CLASP1: variants seen among roughly 807,000 people sequenced by gnomAD.
The protein encoded by CLASP1 is CLIP-associating protein 1.
CLASP1 carries 38 observed loss-of-function variants against 192.3 expected under a neutral mutation model. The observed-to-expected ratio is 0.20, with a 90% CI of 0.15 to 0.26. The LOEUF is 0.26. Among genes scored for constraint, CLASP1 ranks in the 10% least tolerant of loss-of-function variants. CLASP1 has a pLI of 1.00. For missense variants in CLASP1, 1,433 were observed against 1,932.5 expected (o/e 0.74, Z 4.85); for synonymous variants, 691 against 712.8 (o/e 0.97, Z 0.49).
rs188768398 is a variant in CLASP1 at position 121,367,697 on chromosome 2, C to T, written c.3777G>A (p.Pro1259=). 503 of 1,614,020 alleles carry T rather than the reference C, an allele frequency of 3.1e-4. 2 individuals are homozygous for T. Among genetic ancestry groups the T allele is most frequent in the South Asian group, 4.7e-4 (43 of 91,086 alleles). Residue 1259 remains proline, a synonymous_variant, in exon 35 of 40, where the codon CCG becomes CCA. Transcript: ENST00000263710. ...GGTACGGGTTGTAGTCTCGCGCCCG[C>T]GGCCCCGGGAAGGCGCGCGGAGGCT... is the stretch of plus-strand genomic sequence containing the variant.
At chr2:121,468,732 T>C (rs2149954861) in intron 9 of CLASP1, among the ~76,000 whole-genome samples, 1 of 152,314 alleles carries the variant, frequency 6.6e-6, no homozygotes, top group East Asian at 1.9e-4. Flanking sequence ...TAAAGATAGT[T>C]TGACTTCCTC....
At chr2:121,608,485 G>A (rs904913718) in intron 1 of CLASP1, among the ~76,000 whole-genome samples, 3 of 152,176 alleles carry the variant, frequency 2.0e-5, no homozygotes, top group Admixed American at 6.5e-5. Flanking sequence ...ATGCTGTAAG[G>A]AAGCTGGCCT....
At chr2:121,644,631 G>C (rs2072799014) in intron 1 of CLASP1, among the ~76,000 whole-genome samples, 1 of 151,226 alleles carries the variant, frequency 6.6e-6, no homozygotes, top group Admixed American at 6.6e-5. Flanking sequence ...CTCCAGCCTT[G>C]GTGACAGAGC....
At chr2:121,575,521 A>G (rs2060427796) in intron 2 of CLASP1, among the ~76,000 whole-genome samples, 1 of 151,392 alleles carries the variant, frequency 6.6e-6, no homozygotes. Context: ...CCACAAAGTA[A>G]AAGGGAGAAA....
chr2:121,604,861 C>T (rs2064225757), intron 2 of CLASP1, among the ~76,000 whole-genome samples: 2 of 152,128 alleles, frequency 1.3e-5, no homozygotes, highest in African/African-American at 4.8e-5. Context: ...TCTGTAAGCC[C>T]CTTTAACAAC....
intron 7 of CLASP1, among the ~76,000 whole-genome samples, chr2:121,512,115 A>G (rs1291761875): frequency 6.6e-6 from 1 of 152,230 alleles, no homozygotes; most frequent in Non-Finnish European, 1.5e-5. Flanking sequence ...TAATGAATCA[A>G]GTGACCTATG....
chr2:121,598,942 T>C (rs535909258), intron 2 of CLASP1, among the ~76,000 whole-genome samples: 1 of 152,306 alleles, frequency 6.6e-6, no homozygotes, highest in East Asian at 1.9e-4. Context: ...CTCAGCTCAC[T>C]GCAAACTCTG....
intron 35 of CLASP1, among the ~76,000 whole-genome samples, chr2:121,366,697 A>T (rs2149258549): frequency 6.6e-6 from 1 of 152,370 alleles, no homozygotes; most frequent in South Asian, 2.1e-4. Flanking sequence ...ACTATTTAGA[A>T]TTCTAATGTA....
intron 14 of CLASP1, 103 bp from the exon 15 acceptor site, chr2:121,451,952 C>T: frequency 1.3e-6 from 1 of 748,722 alleles, no homozygotes; most frequent in Non-Finnish European, 2.2e-6. Flanking sequence ...ATAATTAGTA[C>T]ATTTCTTCTG....
At chr2:121,482,543 T>C (rs575405403) in intron 8 of CLASP1, among the ~76,000 whole-genome samples, 1 of 152,126 alleles carries the variant, frequency 6.6e-6, no homozygotes, top group East Asian at 1.9e-4. Flanking sequence ...AAACTTACCC[T>C]TAGAGCCAAA....
intron 25 of CLASP1, among the ~76,000 whole-genome samples, chr2:121,406,541 T>C (rs1354056247): frequency 6.6e-6 from 1 of 152,168 alleles, no homozygotes; most frequent in Non-Finnish European, 1.5e-5. Flanking sequence ...TAACATCTAC[T>C]GGACAAATAT....
At chr2:121,496,870 C>T (rs1234124899) in intron 8 of CLASP1, among the ~76,000 whole-genome samples, 2 of 152,136 alleles carry the variant, frequency 1.3e-5, no homozygotes. Flanking sequence ...TGTATATATA[C>T]ACAATGGTAT....
At chr2:121,409,003 CA>C (rs775847201) in intron 24 of CLASP1, 1 of 1,551,014 alleles carries the variant, frequency 6.4e-7, no homozygotes, top group Admixed American at 2.0e-5. Context: ...AGTTGTAAAA[CA>C]AAAGTTAAAG....
At chr2:121,358,933 G>A (rs369806392) in intron 37 of CLASP1, among the ~76,000 whole-genome samples, 1 of 152,232 alleles carries the variant, frequency 6.6e-6, no homozygotes, top group East Asian at 1.9e-4. Context: ...ACAGACAAGT[G>A]TAACTGGATA....
At chr2:121,601,012 G>C (rs541792286) in intron 2 of CLASP1, among the ~76,000 whole-genome samples, 2 of 152,306 alleles carry the variant, frequency 1.3e-5, no homozygotes, top group African/African-American at 4.8e-5. Flanking sequence ...CTTCCCCCAA[G>C]TGAAAGGTAC....
chr2:121,342,270 C>A (rs1182996313), intron 39 of CLASP1, among the ~76,000 whole-genome samples: 1 of 152,052 alleles, frequency 6.6e-6, no homozygotes, highest in Non-Finnish European at 1.5e-5. Flanking sequence ...CAGAGGTGCA[C>A]ACCACCATGC....
At chr2:121,444,226 A>C (rs549383327) in intron 19 of CLASP1, among the ~76,000 whole-genome samples, 25 of 152,328 alleles carry the variant, frequency 1.6e-4, no homozygotes, top group Admixed American at 1.1e-3. Flanking sequence ...GGCATAAAAA[A>C]CAAAATAAAG....
At chr2:121,560,136 T>TAA (rs985540577) in intron 2 of CLASP1, among the ~76,000 whole-genome samples, 1 of 145,926 alleles carries the variant, frequency 6.9e-6, no homozygotes, top group Non-Finnish European at 1.5e-5. Context: ...CACTTCAAAG[T>TAA]AAAAAAAAAA....
At chr2:121,611,722 G>C (rs1265273817) in intron 1 of CLASP1, among the ~76,000 whole-genome samples, 2 of 149,686 alleles carry the variant, frequency 1.3e-5, no homozygotes, top group Non-Finnish European at 3.0e-5. Context: ...AGAACTGGAG[G>C]AGGAGGTGTT....
Sources: allele counts gnomAD v4.1 joint callset (sites outside exome capture counted in the v4.1 genomes callset), GRCh38; gene constraint gnomAD v4.1.1; transcripts MANE v1.5; gene names NCBI Gene and HGNC (gene_info 2026-07-23, HGNC 2026-07-21).